ARHGAP9: variants seen among roughly 807,000 people sequenced by gnomAD.
The protein encoded by ARHGAP9 is rho GTPase-activating protein 9.
ARHGAP9 carries 76 observed loss-of-function variants against 87.3 expected under a neutral mutation model. That is an observed-to-expected ratio of 0.87 (90% CI 0.72 to 1.05). The LOEUF (loss-of-function observed/expected upper bound fraction) is 1.05, where lower values mean the gene tolerates loss of function less well. Ranked by LOEUF, ARHGAP9 falls within the 50% of genes least tolerant of loss-of-function variation. The pLI is 0.00. For synonymous variants in ARHGAP9, 382 were observed against 394.9 expected (o/e 0.97, Z 0.39); for missense variants, 941 against 960.5 (o/e 0.98, Z 0.27).
chr12:57,485,248 C>T (rs1408619867), intron 1 of ARHGAP9, among the ~76,000 whole-genome samples: 1 of 151,812 alleles, frequency 6.6e-6, no homozygotes, highest in Non-Finnish European at 1.5e-5. Context: ...CGCCCAGCCT[C>T]TTGGCTAGTT....
At chr12:57,475,422 G>A in intron 11 of ARHGAP9, 24 bp from the exon 12 acceptor site, 1 of 1,581,324 alleles carries the variant, frequency 6.3e-7, no homozygotes, top group Non-Finnish European at 8.6e-7. Context: ...GTAGAGCGGG[G>A]CGTGAGCGCC....
At chr12:57,481,876 T>C (rs1013720482), upstream of ARHGAP9, among the ~76,000 whole-genome samples, 2 of 152,160 alleles carry the variant, frequency 1.3e-5, no homozygotes, top group Non-Finnish European at 2.9e-5. Context: ...TCCTGTGCCC[T>C]GTGCTTTCTG....
chr12:57,483,952 A>T (rs1027424588), upstream of ARHGAP9: 8 of 452,972 alleles, frequency 1.8e-5, no homozygotes, highest in East Asian at 5.6e-4. Context: ...GAGGCACAAG[A>T]ATCACTTGAA....
rs1471619707 is a variant in ARHGAP9, at chr12:57,476,622, C to CA, written c.992dup (p.Met331IlefsTer25). 1 of 1,614,150 alleles carries CA rather than the reference C, an allele frequency of 6.2e-7. No individual in the cohort carries two copies. Among genetic ancestry groups the CA allele is most frequent in the Admixed American group, 1.7e-5 (1 of 60,034 alleles). On this transcript the variant is annotated frameshift_variant, in exon 7 of 18. Transcript: ENST00000393791. LOFTEE classifies it high-confidence loss of function. ...TGCGCCCCCCTTGGGCAATCTTGGT[C>CA]ATGTTGAGCAGACCCGACTTTTCCA...
Position 57,488,105 on chromosome 12 carries a change from G to A in ARHGAP9, c.-204+507C>T, listed in dbSNP as rs763029980. The A allele has an allele frequency of 5.6e-6, 9 of 1,614,182 alleles. No homozygotes were observed. The East Asian group carries it at 1.8e-4, about 32-fold the overall frequency. Reference sequence around the variant, plus strand: ...TTCACGGCGAAATGAGACTGTTCGTGAGTGATGGCGTCCCGGGTTGCTTGC... The same window carrying A: ...TTCACGGCGAAATGAGACTGTTCGTAAGTGATGGCGTCCCGGGTTGCTTGC... On this transcript the variant is annotated intron_variant, in intron 1 of 20. Transcript: ENST00000393797.
chr12:57,488,651 G>A (rs1875662393), exon 1 of ARHGAP9: 2 of 1,550,648 alleles, frequency 1.3e-6, no homozygotes, highest in Non-Finnish European at 1.7e-6. Flanking sequence ...TGACTCTTAG[G>A]AGGTTCTCTT....
In ARHGAP9 at chr12:57,474,410, T is replaced by C; in HGVS notation, c.1783+13A>G. On this transcript the variant is annotated intron_variant, in intron 15 of 17. Coordinates refer to ENST00000393791, the MANE Select transcript of ARHGAP9 (RefSeq NM_032496.4). ...GAAGTTTTAGGGATCTGAAGGGTCT[T>C]CCATGTAAGTACCTTGTCCTGGCTG... 1 of 1,614,086 alleles carries C rather than the reference T, an allele frequency of 6.2e-7. No homozygotes were observed. The highest frequency in any genetic ancestry group is 8.5e-7 in the Non-Finnish European group (1 of 1,179,966).
At chr12:57,487,071 G>C (rs2139989475) in intron 1 of ARHGAP9, among the ~76,000 whole-genome samples, 1 of 151,828 alleles carries the variant, frequency 6.6e-6, no homozygotes, top group African/African-American at 2.4e-5. Context: ...CCGCTTCCCG[G>C]GTTCAGGCGA....
chr12:57,474,292 C>G, intron 15 of ARHGAP9, 116 bp from the exon 16 acceptor site: 1 of 1,578,982 alleles, frequency 6.3e-7, no homozygotes, highest in East Asian at 2.2e-5. Context: ...CCTAGAGGGT[C>G]TGCAGTGGGG....
At chr12:57,474,226 G>C (rs1872780645) in intron 15 of ARHGAP9, 50 bp from the exon 16 acceptor site, 3 of 1,594,496 alleles carry the variant, frequency 1.9e-6, no homozygotes, top group Middle Eastern at 1.7e-4. Flanking sequence ...GAAAGATTTA[G>C]AGACTGAGAG....
upstream of ARHGAP9, among the ~76,000 whole-genome samples, chr12:57,484,717 T>C (rs141518466): frequency 2.6e-3 from 399 of 152,316 alleles, 15 homozygotes; most frequent in East Asian, 0.061. Flanking sequence ...CGATCCCGGC[T>C]CACTGCAACC....
At chr12:57,474,572 T>C (rs1474852607) in intron 14 of ARHGAP9, 54 bp downstream of exon 14, 4 of 1,612,994 alleles carry the variant, frequency 2.5e-6, no homozygotes, top group Non-Finnish European at 3.4e-6. Context: ...GGACCGCCCA[T>C]GGTTCTCAGG....
In ARHGAP9 at chr12:57,479,352, G is replaced by C. The variant is rs187173108; in HGVS notation, c.55C>G (p.Arg19Gly). 5.4e-5 allele frequency: 87 copies of C among 1,614,098 alleles called. No homozygotes were observed. In the African/African-American group the frequency reaches 1.0e-3, roughly 19 times the overall value. Residue 19 changes from arginine to glycine, a missense_variant, in exon 2 of 18, where the codon CGA (arginine) becomes GGA (glycine). Physicochemically the swap from Arg to Gly is moderately radical, Grantham distance 125. Coordinates refer to ENST00000393791, the MANE Select transcript of ARHGAP9 (RefSeq NM_032496.4). ...SSWGILGLGP[R>G]SPPRGSQLCA... ...AGCTGGGATCCCCGAGGAGGGCTTC[G>C]GGGGCCCAGCCCTAGGATCCCCCAG...
intron 3 of ARHGAP9, chr12:57,477,976 G>A (rs1243630423): frequency 1.6e-6 from 2 of 1,227,210 alleles, no homozygotes; most frequent in Non-Finnish European, 1.0e-6. Context: ...GTGGGGTGGG[G>A]GGAATGTTGA....
exon 1 of ARHGAP9, chr12:57,488,654 G>T: frequency 6.4e-7 from 1 of 1,550,642 alleles, no homozygotes; most frequent in South Asian, 1.2e-5. Flanking sequence ...CTCTTAGGAG[G>T]TTCTCTTGTA....
chr12:57,479,321 G>T lies in ARHGAP9; in HGVS notation c.86C>A (p.Ala29Asp), dbSNP rs1874725883. 4 of 1,614,070 alleles carry T rather than the reference G, an allele frequency of 2.5e-6. No homozygotes were observed. In the African/African-American group the frequency reaches 5.3e-5, roughly 22 times the overall value. Reference sequence around the variant, plus strand: ...CCCAGTATAAGTAAAGGCATAGAGGGCACAGAGCTGGGATCCCCGAGGAGG... The same window carrying T: ...CCCAGTATAAGTAAAGGCATAGAGGTCACAGAGCTGGGATCCCCGAGGAGG... ...RSPPRGSQLC[A>D]LYAFTYTGAD... Residue 29 changes from alanine (A) to aspartate (D), a missense_variant, in exon 2 of 18, where the codon GCC (alanine) becomes GAC (aspartate). Ala to Asp is a moderately radical substitution (Grantham distance 126). Transcript: ENST00000393791.
At chr12:57,477,978 G>T (rs1311073388) in intron 3 of ARHGAP9, 4 of 1,222,950 alleles carry the variant, frequency 3.3e-6, no homozygotes, top group African/African-American at 3.1e-5. Context: ...GGGGTGGGGG[G>T]AATGTTGAAG....
chr12:57,486,522 G>C (rs1322349243), intron 1 of ARHGAP9, among the ~76,000 whole-genome samples: 1 of 147,948 alleles, frequency 6.8e-6, no homozygotes, highest in Non-Finnish European at 1.5e-5. Context: ...TGCTCGCCTC[G>C]GCCTCCCAAC....
Position 57,479,100 on chromosome 12 carries a change from A to C in ARHGAP9, c.307T>G (p.Trp103Gly). 6.2e-7 allele frequency: 1 copy of C among 1,614,180 alleles called. No homozygotes were observed. The highest frequency in any genetic ancestry group is 2.2e-5 in the East Asian group (1 of 44,874). Reference sequence around the variant, plus strand: ...CTTAGCGCTTACTCACCAGGAGTCCAGAGCAATTGGCCGGGGATGACGGTA... The same window carrying C: ...CTTAGCGCTTACTCACCAGGAGTCCCGAGCAATTGGCCGGGGATGACGGTA... ...PTTVIPGQLL[W>G]TPGPKLFHGS... The change falls in exon 2 of 18, where the codon TGG (tryptophan) becomes GGG (glycine). Residue 103 changes from tryptophan (W) to glycine (G), a missense_variant. By Grantham distance (184) the Trp-to-Gly change is radical (BLOSUM62 -2). Transcript: ENST00000393791.
Sources: gnomAD v4.1 joint callset for allele counts (sites outside exome capture counted in the v4.1 genomes callset) on GRCh38, gnomAD v4.1.1 for gene constraint, MANE v1.5 for transcripts, NCBI Gene and HGNC (gene_info 2026-07-23, HGNC 2026-07-21) for gene names.